Variants in MACF1 observed in about 807,000 individuals in gnomAD.
The protein encoded by MACF1 is microtubule actin crosslinking factor 1, also known as microtubule-actin cross-linking factor 1.
MACF1 carries 193 observed loss-of-function variants against 854.8 expected under a neutral mutation model. That is an observed-to-expected ratio of 0.23 (90% CI 0.20 to 0.25). The LOEUF (loss-of-function observed/expected upper bound fraction) is 0.25. Ranked by LOEUF, MACF1 falls within the 10% of genes least tolerant of loss-of-function variation. MACF1 has a pLI of 1.00. For synonymous variants in MACF1, 3,185 were observed against 3,226.7 expected, an observed-to-expected ratio of 0.99 and a Z score of 0.44; for missense variants, 7,722 against 8,929.1, an observed-to-expected ratio of 0.86 and a Z score of 5.45.
chr1:39,245,941 T>C (rs1297207148), intron 2 of MACF1, among the ~76,000 whole-genome samples: 1 of 152,176 alleles, frequency 6.6e-6, no homozygotes, highest in Non-Finnish European at 1.5e-5. Flanking sequence ...TACCACTCTC[T>C]TGAGAAATAG....
chr1:39,460,716 G>A lies in MACF1; in HGVS notation c.21445G>A (p.Asp7149Asn). Residue 7149 changes from aspartate (D) to asparagine (N), a missense_variant, in exon 92 of 101, where the codon GAT (aspartate) becomes AAT (asparagine). This residue lies in a region of MACF1 where 153 missense variants were observed against 342.5 expected (regional missense o/e 0.45). Coordinates refer to ENST00000564288, the MANE Select transcript of MACF1 (RefSeq NM_001394062.1). This position sits in a 1 kb window ranked among gnomAD's most constrained non-coding sequence, Gnocchi z 4.1. Reference protein sequence around the residue: ...WMNHKKSRVMDFFRRIDKDQD... With the variant: ...WMNHKKSRVMNFFRRIDKDQD... ...GAATCACAAAAAGTCTCGAGTGATG[G>A]ATTTCTTCCGGCGCATTGATAAGGA... 1.9e-6 allele frequency: 3 copies of A among 1,614,204 alleles called. No homozygotes were observed. Among genetic ancestry groups the A allele is most frequent in the Non-Finnish European group, 2.5e-6 (3 of 1,180,020 alleles).
intron 2 of MACF1, among the ~76,000 whole-genome samples, chr1:39,130,975 G>A (rs1642985022): frequency 6.6e-6 from 1 of 151,414 alleles, no homozygotes; most frequent in South Asian, 2.1e-4. Flanking sequence ...CCGAGGAGCT[G>A]GGATTACAGG....
intron 2 of MACF1, among the ~76,000 whole-genome samples, chr1:39,102,306 T>G (rs565751240): frequency 1.9e-4 from 29 of 152,240 alleles, no homozygotes; most frequent in African/African-American, 6.5e-4. Flanking sequence ...GATCCTGTGG[T>G]GAATTAGACG....
Position 39,335,485 on chromosome 1 carries a change from C to A in MACF1, c.8897C>A (p.Pro2966Gln). Residue 2966 changes from proline (P) to glutamine (Q), a missense_variant, in exon 37 of 101, where the codon CCA (proline) becomes CAA (glutamine). By Grantham distance (76) the Pro-to-Gln change is moderately conservative (BLOSUM62 -1). Around this residue, in one of 15 missense-constraint regions of MACF1, gnomAD observed 854 missense variants for 852.6 expected, o/e 1.00. Coordinates refer to ENST00000564288, the MANE Select transcript of MACF1 (RefSeq NM_001394062.1). ...KLPSEQVLQQPMNARVKSKRE... is the reference protein window; with the variant it reads ...KLPSEQVLQQQMNARVKSKRE... ...CCGAGTGAGCAGGTTTTGCAGCAAC[C>A]AATGAATGCTCGGGTGAAAAGTAAG... 2 of 1,614,094 alleles carry A rather than the reference C, an allele frequency of 1.2e-6. No individual in the cohort carries two copies. Among genetic ancestry groups the A allele is most frequent in the Non-Finnish European group, 1.7e-6 (2 of 1,180,010 alleles).
At chr1:39,412,529 C>T (rs781077468) in intron 58 of MACF1, 1 of 1,613,902 alleles carries the variant, frequency 6.2e-7, no homozygotes, top group East Asian at 2.2e-5. Context: ...CAGAGGAAGT[C>T]CCCAGAGTCA....
At chr1:39,346,179 A>G (rs1647042440) in intron 40 of MACF1, among the ~76,000 whole-genome samples, 1 of 151,746 alleles carries the variant, frequency 6.6e-6, no homozygotes. Flanking sequence ...TTGCTAACAC[A>G]GTGAAACCCC....
intron 2 of MACF1, among the ~76,000 whole-genome samples, chr1:39,093,847 G>A (rs1267956119): frequency 2.0e-5 from 3 of 151,564 alleles, no homozygotes; most frequent in Non-Finnish European, 4.4e-5. Flanking sequence ...GAGTGCAGTG[G>A]TGTGAACTTG....
intron 2 of MACF1, among the ~76,000 whole-genome samples, chr1:39,166,581 T>G (rs1490148568): frequency 6.6e-6 from 1 of 151,156 alleles, no homozygotes; most frequent in Admixed American, 6.6e-5. Context: ...CTCAGCCTCC[T>G]GAGTAGCTGG....
chr1:39,268,945 C>T (rs551385795), intron 6 of MACF1: 11 of 1,285,288 alleles, frequency 8.6e-6, no homozygotes, highest in Non-Finnish European at 1.0e-5. Context: ...GTAGAGCATA[C>T]CCCCCCAGAT....
chr1:39,304,114 C>T (rs1646114800), intron 23 of MACF1, among the ~76,000 whole-genome samples: 1 of 149,476 alleles, frequency 6.7e-6, no homozygotes, highest in Non-Finnish European at 1.5e-5. Flanking sequence ...TGGTGTGCTG[C>T]ACCCATTAAC....
At chr1:39,476,425 C>T (rs180995762) in intron 97 of MACF1, among the ~76,000 whole-genome samples, 10 of 152,190 alleles carry the variant, frequency 6.6e-5, no homozygotes, top group African/African-American at 2.2e-4. Context: ...GAAAAATTAG[C>T]CAAGCGTGGT....
intron 29 of MACF1, among the ~76,000 whole-genome samples, chr1:39,317,715 GTTC>G: frequency 1.3e-5 from 2 of 152,268 alleles, no homozygotes; most frequent in East Asian, 3.9e-4. Context: ...CTATACTCTA[GTTC>G]TTGTTTTATT....
intron 2 of MACF1, among the ~76,000 whole-genome samples, chr1:39,173,813 T>C (rs1293214070): frequency 6.6e-6 from 1 of 152,220 alleles, no homozygotes; most frequent in Non-Finnish European, 1.5e-5. Context: ...TATTTCTTTC[T>C]CTGCCAAAGA....
chr1:39,085,010 C>T (rs902672304), intron 2 of MACF1, among the ~76,000 whole-genome samples: 1 of 152,178 alleles, frequency 6.6e-6, no homozygotes, highest in African/African-American at 2.4e-5. Context: ...ACCTTTCACA[C>T]GACGTGAAGG....
In MACF1 at chr1:39,411,947, T is replaced by C. The variant is rs571728009; in HGVS notation, c.15817-10427T>C. The stretch of plus-strand genomic sequence containing the variant: ...GAACTTATTGCCCACGTTGATATCA[T>C]GAGAGACACTTCCACTGTTAGCAAG... On this transcript the variant is annotated intron_variant, in intron 58 of 100. Transcript: ENST00000564288. 9 of 1,613,960 alleles carry C rather than the reference T, an allele frequency of 5.6e-6. No homozygotes were observed. The East Asian group carries it at 1.8e-4, about 32-fold the overall frequency.
At chr1:39,132,968 C>G (rs1240000662) in intron 2 of MACF1, among the ~76,000 whole-genome samples, 3 of 152,230 alleles carry the variant, frequency 2.0e-5, no homozygotes, top group Non-Finnish European at 4.4e-5. Flanking sequence ...AGCTCGGTCC[C>G]TCATGGAGCT....
intron 70 of MACF1, among the ~76,000 whole-genome samples, chr1:39,436,269 T>C (rs1302272194): frequency 1.3e-5 from 2 of 152,234 alleles, no homozygotes; most frequent in Non-Finnish European, 2.9e-5. Flanking sequence ...TATATTACTC[T>C]TAGTGGTACT....
chr1:39,277,688 G>T (rs917139007), intron 6 of MACF1, among the ~76,000 whole-genome samples: 5 of 152,168 alleles, frequency 3.3e-5, no homozygotes, highest in Non-Finnish European at 5.9e-5. Context: ...TGTTGTTGTT[G>T]CTGAGCAATC....
chr1:39,387,634 T>G lies in MACF1; in HGVS notation c.14792T>G (p.Val4931Gly), dbSNP rs1205501955. 6.2e-7 allele frequency: 1 copy of G among 1,614,198 alleles called. No homozygotes were observed. Among genetic ancestry groups the G allele is most frequent in the Non-Finnish European group, 8.5e-7 (1 of 1,180,034 alleles). Residue 4931 changes from valine (V) to glycine (G), a missense_variant, in exon 58 of 101, where the codon GTC becomes GGC. Physicochemically the swap from Val to Gly is moderately radical, Grantham distance 109 (BLOSUM62 -3). Transcript: ENST00000564288. The part of the protein sequence containing the change: ...DCKAKMSELR[V>G]TLDPVQLESS... ...AAAGCTAAGATGTCTGAGTTGCGAG[T>G]CACTCTGGATCCAGTGCAGCTAGAG...
Sources: gnomAD v4.1 joint callset for allele counts (sites outside exome capture counted in the v4.1 genomes callset) on GRCh38, gnomAD v4.1.1 for gene constraint, gnomAD v4.1.1 regional missense constraint, Gnocchi (gnomAD v3.1) non-coding constraint, MANE v1.5 for transcripts, NCBI Gene and HGNC (gene_info 2026-07-23, HGNC 2026-07-21) for gene names.